PI4KA: variants seen among roughly 807,000 people sequenced by gnomAD.
PI4KA encodes the protein PI4-kinase alpha.
A neutral mutation model predicts 271.4 loss-of-function variants in PI4KA; 122 were observed. That is an observed-to-expected ratio of 0.45 (90% confidence interval 0.39 to 0.52). PI4KA has a LOEUF of 0.52. Ranked by LOEUF, PI4KA falls within the 20% of genes least tolerant of loss-of-function variation. The pLI is 0.00. For missense variants in PI4KA, 1,969 were observed against 2,769.1 expected (o/e 0.71, Z 6.48); for synonymous variants, 1,041 against 1,078.8 (o/e 0.96, Z 0.69).
chr22:20,799,145 G>GGGGA lies in PI4KA; in HGVS notation c.1948_1951dup (p.Pro651LeufsTer9). The GGGGA allele has an allele frequency of 6.2e-7, 1 of 1,613,150 alleles. No individual in the cohort carries two copies. ...CTGGTCAATAATCAGCACATCGAGG[G>GGGGA]GGGAGGGTGGCTGGCAGAATTTCTG... On this transcript the variant is annotated frameshift_variant, in exon 16 of 55. Transcript: ENST00000255882. LOFTEE classifies it high-confidence loss of function.
At chr22:20,849,251 T>C (rs1385454018) in intron 1 of PI4KA, among the ~76,000 whole-genome samples, 1 of 152,214 alleles carries the variant, frequency 6.6e-6, no homozygotes, top group African/African-American at 2.4e-5. Flanking sequence ...TTGGTGGGAA[T>C]GTAAATGGTG....
Position 20,802,246 on chromosome 22 carries a change from C to T in PI4KA, c.1592-141G>A, listed in dbSNP as rs1935376005. The T allele has an allele frequency of 4.6e-6, 3 of 651,026 alleles. No individual in the cohort carries two copies. The African/African-American group carries it at 5.5e-5, about 12-fold the overall frequency. The allele number at this position is 651,026 out of a possible 1,614,324, so 40.3% of individuals were successfully genotyped here. A position where few individuals can be genotyped will look rare whatever the true frequency, so the allele number is the denominator to read the frequency against. On this transcript the variant is annotated intron_variant, in intron 13 of 54. Transcript: ENST00000255882. Reference sequence around the variant, plus strand: ...TCTAAAAACATCTGACCAAATATTTCAGAAAGAGAAGAGTCTAAGAGCAAC... The same window carrying T: ...TCTAAAAACATCTGACCAAATATTTTAGAAAGAGAAGAGTCTAAGAGCAAC...
chr22:20,788,107 G>C (rs1934389224), intron 19 of PI4KA, among the ~76,000 whole-genome samples: 1 of 152,218 alleles, frequency 6.6e-6, no homozygotes, highest in Non-Finnish European at 1.5e-5. Flanking sequence ...CAGCACGCAA[G>C]AGTGCCAGTG....
intron 22 of PI4KA, among the ~76,000 whole-genome samples, chr22:20,762,298 G>A (rs879942070): frequency 3.3e-5 from 5 of 152,138 alleles, no homozygotes; most frequent in Non-Finnish European, 5.9e-5. Context: ...ACACGCATTC[G>A]AGTGTGCACG....
chr22:20,808,357 G>A (rs1464974068), intron 9 of PI4KA, among the ~76,000 whole-genome samples: 4 of 151,600 alleles, frequency 2.6e-5, no homozygotes, highest in African/African-American at 4.8e-5. Context: ...AGGCCAAGGC[G>A]GGTGGATCAC....
chr22:20,806,320 TG>T (rs1484599777), intron 10 of PI4KA, among the ~76,000 whole-genome samples: 1 of 152,122 alleles, frequency 6.6e-6, no homozygotes, highest in East Asian at 1.9e-4. Context: ...ACAAAATTCA[TG>T]AAAGAGGGAC....
chr22:20,758,306 A>C (rs1292915415), intron 23 of PI4KA, among the ~76,000 whole-genome samples: 1 of 138,904 alleles, frequency 7.2e-6, no homozygotes, highest in Non-Finnish European at 1.5e-5. Context: ...CGGAGCTTGC[A>C]GTCAGCTGAG....
At chr22:20,815,137 C>G (rs542667844) in intron 7 of PI4KA, among the ~76,000 whole-genome samples, 37 of 152,082 alleles carry the variant, frequency 2.4e-4, no homozygotes, top group African/African-American at 8.4e-4. Context: ...AATCCCAGTA[C>G]TTTGGGAGGC....
In PI4KA at chr22:20,786,210, T is replaced by A. The variant is rs1934211170; in HGVS notation, c.2328+6983A>T. 3 of 1,580,310 alleles carry A rather than the reference T, an allele frequency of 1.9e-6. No homozygotes were observed. In the African/African-American group the frequency reaches 4.0e-5, roughly 21 times the overall value. On this transcript the variant is annotated intron_variant, in intron 19 of 54. Coordinates refer to ENST00000255882, the MANE Select transcript of PI4KA (RefSeq NM_058004.4). ...GGGTCTGCCTCAGCACAGCCCCACC[T>A]CCACTTGCCCTTCCTACCCACCCCC...
At chr22:20,821,207 C>T (rs947306249) in intron 4 of PI4KA, among the ~76,000 whole-genome samples, 1 of 152,130 alleles carries the variant, frequency 6.6e-6, no homozygotes, top group Admixed American at 6.6e-5. Context: ...TGAGCTTATA[C>T]ATAATTTTTA....
At chr22:20,721,745 G>A (rs1390319829) in intron 42 of PI4KA, 2 of 268,372 alleles carry the variant, frequency 7.5e-6, no homozygotes, top group Non-Finnish European at 1.5e-5. Flanking sequence ...AAAGCAGGCT[G>A]GGTACTAAAA....
chr22:20,727,732 T>G, intron 40 of PI4KA, 42 bp downstream of exon 40: 1 of 1,453,174 alleles, frequency 6.9e-7, no homozygotes, highest in Non-Finnish European at 9.7e-7. Flanking sequence ...TGTGCTATTT[T>G]GTGCAGTTTG....
At chr22:20,803,131 C>T (rs1935425479) in intron 13 of PI4KA, 60 bp downstream of exon 13, 2 of 1,562,116 alleles carry the variant, frequency 1.3e-6, no homozygotes, top group East Asian at 2.2e-5. Flanking sequence ...CTGTGTGAGG[C>T]TCACACACAG....
Position 20,858,769 on chromosome 22 carries a change from GC to G in PI4KA, c.-45del. 1 of 1,368,518 alleles carries G rather than the reference GC, an allele frequency of 7.3e-7. No homozygotes were observed. The highest frequency in any genetic ancestry group is 1.6e-5 in the South Asian group (1 of 64,490). 84.8% of individuals were successfully genotyped at this position (1,368,518 alleles called of 1,614,324 possible). Reference sequence around the variant, plus strand: ...GCTGCCCGCCGGCTCCCCGCTCCTGGCCCGCGAGCGCCCGACCTCAGGGCGC... The same window carrying G: ...GCTGCCCGCCGGCTCCCCGCTCCTGGCCGCGAGCGCCCGACCTCAGGGCGC... On this transcript the variant is annotated 5_prime_UTR_variant, in exon 1 of 55. Transcript: ENST00000255882.
At chr22:20,825,432 C>T (rs1276203255) in intron 3 of PI4KA, among the ~76,000 whole-genome samples, 3 of 151,848 alleles carry the variant, frequency 2.0e-5, no homozygotes, top group African/African-American at 2.4e-5. Context: ...CTATCTCTAC[C>T]GAAAATACAA....
At chr22:20,815,379 CAAAAAAAA>C (rs361826) in intron 7 of PI4KA, among the ~76,000 whole-genome samples, 2 of 83,970 alleles carry the variant, frequency 2.4e-5, no homozygotes, top group African/African-American at 8.9e-5. Flanking sequence ...GACTGCGTCT[CAAAAAAAA>C]AAAAAAAAAA....
At chr22:20,803,428 T>G (rs1935456652) in intron 12 of PI4KA, 108 bp from the exon 13 acceptor site, 3 of 1,393,580 alleles carry the variant, frequency 2.2e-6, no homozygotes, top group South Asian at 2.5e-5. Flanking sequence ...GACCCAAAAC[T>G]TCGAAGGTCA....
At chr22:20,824,576 C>T (rs549439433) in intron 3 of PI4KA, among the ~76,000 whole-genome samples, 162 bp from the exon 4 acceptor site, 25 of 152,192 alleles carry the variant, frequency 1.6e-4, no homozygotes, top group African/African-American at 5.5e-4. Flanking sequence ...AGCTATGGGC[C>T]CAATGAGTTT....
Position 20,832,785 on chromosome 22 carries a change from A to C in PI4KA, c.367+1777T>G, listed in dbSNP as rs573050197. Reference sequence around the variant, plus strand: ...TTTCTTAAAATGGCCATTTCATCTTACATCTCCTATATCGTTTTATTGTAT... The same window carrying C: ...TTTCTTAAAATGGCCATTTCATCTTCCATCTCCTATATCGTTTTATTGTAT... On this transcript the variant is annotated intron_variant, in intron 3 of 54. Coordinates refer to ENST00000255882, the MANE Select transcript of PI4KA (RefSeq NM_058004.4). 6.3e-4 allele frequency among the ~76,000 whole-genome samples: 96 copies of C among 152,202 alleles called. 1 individual carries two copies. Among genetic ancestry groups the C allele is most frequent in the African/African-American group, 2.1e-3 (88 of 41,538 alleles).
Sources: gnomAD v4.1 joint callset for allele counts (sites outside exome capture counted in the v4.1 genomes callset) on GRCh38, gnomAD v4.1.1 for gene constraint, MANE v1.5 for transcripts, NCBI Gene and HGNC (gene_info 2026-07-23, HGNC 2026-07-21) for gene names.